The following RBFOX1 variants were observed in gnomAD, a reference collection of about 807,000 sequenced individuals.
RBFOX1 encodes the protein RNA binding protein fox-1 homolog 1.
RBFOX1 carries 8 observed loss-of-function variants against 57.7 expected under a neutral mutation model. That is an observed-to-expected ratio of 0.14 (90% CI 0.08 to 0.25). RBFOX1 has a LOEUF of 0.25. RBFOX1 is among the 10% of genes least tolerant of loss of function. The pLI is 1.00. For synonymous variants in RBFOX1, 326 were observed against 222.4 expected (o/e 1.47, Z -4.15); for missense variants, 611 against 548.5 (o/e 1.11, Z -1.14).
At chr16:5,700,936 G>A (rs2051024650) in intron 3 of RBFOX1, among the ~76,000 whole-genome samples, 1 of 152,172 alleles carries the variant, frequency 6.6e-6, no homozygotes, top group African/African-American at 2.4e-5. Context: ...AGTAAGAAAA[G>A]GATGGTTCTT....
intron 2 of RBFOX1, among the ~76,000 whole-genome samples, chr16:6,317,262 A>G (rs1271864128): frequency 6.6e-6 from 1 of 152,198 alleles, no homozygotes; most frequent in Admixed American, 6.5e-5. Flanking sequence ...CTCCCTCCCC[A>G]ATGAACCTGG....
chr16:7,442,699 T>C (rs2098778148), intron 4 of RBFOX1, among the ~76,000 whole-genome samples: 1 of 152,094 alleles, frequency 6.6e-6, no homozygotes, highest in Non-Finnish European at 1.5e-5. Context: ...CATGAATCTT[T>C]TACGAGGGTG....
intron 1 of RBFOX1, among the ~76,000 whole-genome samples, chr16:5,356,111 G>T (rs955009543): frequency 3.3e-5 from 5 of 152,106 alleles, no homozygotes; most frequent in African/African-American, 1.2e-4. Flanking sequence ...AAAGGAAGAC[G>T]TGAGGCATAG....
chr16:6,139,573 A>G (rs2096697445), intron 1 of RBFOX1, among the ~76,000 whole-genome samples: 1 of 152,238 alleles, frequency 6.6e-6, no homozygotes. Context: ...TTTGAAACAA[A>G]AAAACACAAT....
rs531016141 is a variant in RBFOX1 at position 7,425,705 on chromosome 16, G to C, written c.28-92442G>C. ...TAGAAGTTATCCTACCTGGGCAAAA[G>C]CTCCAAACATTCTAGGGGGGATAGA... On this transcript the variant is annotated intron_variant, in intron 4 of 15. Coordinates refer to ENST00000550418, the MANE Select transcript of RBFOX1 (RefSeq NM_018723.4). Among the ~76,000 whole-genome samples, 12 of 152,238 alleles carry C rather than the reference G, an allele frequency of 7.9e-5. No individual in the cohort carries two copies. The South Asian group carries it at 2.1e-3, about 26-fold the overall frequency.
chr16:6,387,911 C>G (rs75957109), intron 2 of RBFOX1, among the ~76,000 whole-genome samples: 18,080 of 150,350 alleles, frequency 0.12, 1,351 homozygotes, highest in Middle Eastern at 0.22. Flanking sequence ...ACCCCAGTCA[C>G]TATGACTGTT....
At chr16:7,006,459 G>A (rs934350140) in intron 3 of RBFOX1, among the ~76,000 whole-genome samples, 8 of 151,984 alleles carry the variant, frequency 5.3e-5, no homozygotes, top group African/African-American at 1.9e-4. Context: ...GGCCAAACAA[G>A]TTTTTTTATG....
chr16:6,300,638 C>G (rs975967877), intron 1 of RBFOX1, among the ~76,000 whole-genome samples: 1 of 152,248 alleles, frequency 6.6e-6, no homozygotes, highest in African/African-American at 2.4e-5. Context: ...AATATCTTTC[C>G]CACATTCTGG....
intron 2 of RBFOX1, among the ~76,000 whole-genome samples, chr16:5,514,634 A>G (rs61139250): frequency 0.019 from 2,829 of 152,242 alleles, 99 homozygotes; most frequent in African/African-American, 0.064. Context: ...ATATATCAGC[A>G]AACAAAACGG....
intron 1 of RBFOX1, among the ~76,000 whole-genome samples, chr16:6,257,944 A>G (rs1396175534): frequency 6.6e-6 from 1 of 152,088 alleles, no homozygotes; most frequent in Non-Finnish European, 1.5e-5. Flanking sequence ...ATCCCCAGTA[A>G]TGGGATTGCT....
chr16:6,935,633 T>A (rs537005205), intron 3 of RBFOX1, among the ~76,000 whole-genome samples: 56 of 152,332 alleles, frequency 3.7e-4, no homozygotes, highest in Admixed American at 1.0e-3. Context: ...CACGCTCCCC[T>A]ACATACTTTG....
chr16:7,315,622 A>C (rs1050445605), intron 4 of RBFOX1, among the ~76,000 whole-genome samples: 19 of 148,316 alleles, frequency 1.3e-4, no homozygotes, highest in African/African-American at 4.5e-4. Context: ...AGTCTTTTAT[A>C]GCCTTCCTGA....
chr16:7,520,583 A>C (rs1018918006), intron 5 of RBFOX1, among the ~76,000 whole-genome samples: 1 of 152,082 alleles, frequency 6.6e-6, no homozygotes, highest in Non-Finnish European at 1.5e-5. Flanking sequence ...TAGTCCATTG[A>C]TGGATATTTG....
intron 1 of RBFOX1, among the ~76,000 whole-genome samples, chr16:5,275,521 T>TA (rs2063119488): frequency 6.6e-6 from 1 of 152,138 alleles, no homozygotes; most frequent in Non-Finnish European, 1.5e-5. Flanking sequence ...AAAACACTGC[T>TA]GAAAGAAATC....
chr16:6,600,366 A>G (rs2097838006), intron 2 of RBFOX1, among the ~76,000 whole-genome samples: 2 of 152,154 alleles, frequency 1.3e-5, no homozygotes, highest in African/African-American at 4.8e-5. Flanking sequence ...TCTGCTAAGC[A>G]GTCTGTCACA....
At chr16:5,551,464 T>A (rs962273629) in intron 2 of RBFOX1, among the ~76,000 whole-genome samples, 10 of 152,206 alleles carry the variant, frequency 6.6e-5, no homozygotes, top group Non-Finnish European at 1.3e-4. Flanking sequence ...TGCTGCCTGC[T>A]GCAGCCAGGG....
At chr16:6,338,038 A>G (rs979907043) in intron 2 of RBFOX1, among the ~76,000 whole-genome samples, 2 of 152,218 alleles carry the variant, frequency 1.3e-5, no homozygotes, top group Non-Finnish European at 2.9e-5. Flanking sequence ...AATACTTTGG[A>G]CAATTTTATC....
chr16:6,388,013 G>C (rs1298016378), intron 2 of RBFOX1, among the ~76,000 whole-genome samples: 1 of 103,558 alleles, frequency 9.7e-6, no homozygotes, highest in African/African-American at 4.1e-5. Flanking sequence ...ACAGAGTCTT[G>C]CTTTTGGCCA....
At chr16:7,416,489 G>A (rs1226032362) in intron 4 of RBFOX1, among the ~76,000 whole-genome samples, 3 of 152,294 alleles carry the variant, frequency 2.0e-5, no homozygotes, top group South Asian at 2.1e-4. Context: ...GTGGGTACAT[G>A]GTGTGCTGGG....
Sources: allele counts gnomAD v4.1 joint callset (sites outside exome capture counted in the v4.1 genomes callset), GRCh38; gene constraint gnomAD v4.1.1; transcripts MANE v1.5; gene names NCBI Gene and HGNC (gene_info 2026-07-23, HGNC 2026-07-21).